Variants in USP12 observed in about 807,000 individuals in gnomAD.
USP12 encodes the protein ubiquitin specific peptidase 12.
A neutral mutation model predicts 45.5 loss-of-function variants in USP12; 19 were observed. The ratio of observed to expected loss-of-function variants is 0.42; its 90% CI spans 0.29 to 0.61. The LOEUF (loss-of-function observed/expected upper bound fraction) is 0.61. USP12 is among the 20% of genes least tolerant of loss of function. The pLI is 0.22. For missense variants in USP12, 242 were observed against 447.7 expected (o/e 0.54, Z 4.15); for synonymous variants, 149 against 148.8 (o/e 1.00, Z -0.01).
chr13:27,070,574 G>A (rs1400668022), intron 8 of USP12, among the ~76,000 whole-genome samples: 1 of 142,042 alleles, frequency 7.0e-6, no homozygotes, highest in African/African-American at 2.6e-5. Flanking sequence ...TTTTTTTTGA[G>A]ACGGAGTTCA....
rs527572176 is a variant in USP12, at chr13:27,155,293, A to C, written c.48+16299T>G. ...AGACAGGGTTTCACCATGTTGGCCA[A>C]GATGGTCTTGATCTCCTGACCTCGT... On this transcript the variant is annotated intron_variant, in intron 1 of 8. Transcript: ENST00000282344. Among the ~76,000 whole-genome samples, 42 of 151,746 alleles carry C rather than the reference A, an allele frequency of 2.8e-4. 2 individuals carry two copies. Among genetic ancestry groups the C allele is most frequent in the Admixed American group, 2.6e-3 (39 of 15,222 alleles).
intron 6 of USP12, among the ~76,000 whole-genome samples, chr13:27,087,869 T>C (rs1388061165): frequency 6.6e-6 from 1 of 152,192 alleles, no homozygotes; most frequent in Non-Finnish European, 1.5e-5. Context: ...AACAATCCAC[T>C]GAATAAAACA....
chr13:27,090,869 T>TCGAACAACTC (rs1874280836), intron 4 of USP12, among the ~76,000 whole-genome samples: 1 of 152,198 alleles, frequency 6.6e-6, no homozygotes, highest in Admixed American at 6.5e-5. Flanking sequence ...GAGTTGTTCA[T>TCGAACAACTC]CGAACAACTC....
intron 3 of USP12, among the ~76,000 whole-genome samples, chr13:27,098,856 C>T (rs1874720134): frequency 6.6e-6 from 1 of 152,156 alleles, no homozygotes; most frequent in Non-Finnish European, 1.5e-5. Context: ...AAAATGGAAA[C>T]AGTTCCATTG....
In USP12 at chr13:27,105,817, T is replaced by C; in HGVS notation, c.257A>G (p.Asp86Gly). The change falls in exon 3 of 9, where the codon GAT becomes GGT. Residue 86 changes from aspartate (D) to glycine (G), a missense_variant. Physicochemically the swap from Asp to Gly is moderately conservative, Grantham distance 94. This residue lies in a region of USP12 where 77 missense variants were observed against 153.7 expected (regional missense o/e 0.50). Transcript: ENST00000282344. ...CTGAGTGGCTATGCTATGGAAGAGA[T>C]CTGCTAAGCATGTAAGAAGGCTCTC... ...KKESLLTCLA[D>G]LFHSIATQKK... 6.2e-7 allele frequency: 1 copy of C among 1,613,916 alleles called. No homozygotes were observed. Among genetic ancestry groups the C allele is most frequent in the Non-Finnish European group, 8.5e-7 (1 of 1,179,832 alleles).
At chr13:27,072,745 G>C (rs1372261827) in intron 7 of USP12, among the ~76,000 whole-genome samples, 1 of 152,120 alleles carries the variant, frequency 6.6e-6, no homozygotes, top group Non-Finnish European at 1.5e-5. Context: ...GTTTTGACAT[G>C]GGCTTGAAGG....
chr13:27,075,995 A>T (rs1173792166), intron 6 of USP12, among the ~76,000 whole-genome samples: 2 of 141,956 alleles, frequency 1.4e-5, no homozygotes, highest in Non-Finnish European at 1.5e-5. Context: ...ACGCCACTGC[A>T]CTCCAGCCTG....
intron 6 of USP12, among the ~76,000 whole-genome samples, chr13:27,076,500 TTATA>T (rs969636482): frequency 6.6e-6 from 1 of 152,228 alleles, no homozygotes; most frequent in Non-Finnish European, 1.5e-5. Flanking sequence ...CAGGTTCACT[TTATA>T]TATGTCAAGC....
Position 27,116,611 on chromosome 13 carries a change from A to G in USP12, c.49-15T>C. On this transcript the variant is annotated splice_polypyrimidine_tract_variant and intron_variant, in intron 1 of 8. Transcript: ENST00000282344. ...GCATTGGCGCCCTATAAAATGAAAA[A>G]CAAAAATCTTAGTATTTATAGTAGT... The G allele has an allele frequency of 3.7e-6, 6 of 1,608,920 alleles. No individual in the cohort carries two copies. The highest frequency in any genetic ancestry group is 5.1e-6 in the Non-Finnish European group (6 of 1,178,946).
chr13:27,116,620 T>C lies in USP12; in HGVS notation c.49-24A>G. ...CCCTATAAAATGAAAAACAAAAATC[T>C]TAGTATTTATAGTAGTCATGCACCA... On this transcript the variant is annotated intron_variant, in intron 1 of 8. Transcript: ENST00000282344. 1.9e-6 allele frequency: 3 copies of C among 1,606,732 alleles called. No individual in the cohort carries two copies. In the South Asian group the frequency reaches 3.3e-5, roughly 18 times the overall value.
At position 27,105,869 on chromosome 13, in the gene USP12, C is replaced by CA. The variant is rs1565991405; in HGVS notation, c.204dup (p.Ala69CysfsTer3). On this transcript the variant is annotated frameshift_variant, in exon 3 of 9. Transcript: ENST00000282344. LOFTEE classifies it high-confidence loss of function. ...TTTTTCCTAGGTTGACTCTTATACG[C>CA]AAGAACTTTTTCCCGAAATGGACGA... The CA allele has an allele frequency of 6.2e-7, 1 of 1,613,636 alleles. No individual in the cohort carries two copies. The highest frequency in any genetic ancestry group is 1.3e-5 in the African/African-American group (1 of 74,940).
At chr13:27,151,290 G>A (rs1293353549) in intron 1 of USP12, among the ~76,000 whole-genome samples, 4 of 151,722 alleles carry the variant, frequency 2.6e-5, no homozygotes, top group Admixed American at 6.6e-5. Context: ...AAGATTCAGC[G>A]ACAAAGCAAG....
chr13:27,080,511 T>C (rs1185871399), intron 6 of USP12, among the ~76,000 whole-genome samples: 1 of 152,118 alleles, frequency 6.6e-6, no homozygotes, highest in Non-Finnish European at 1.5e-5. Context: ...TCTTCTTCAA[T>C]ACCTGGTAAG....
chr13:27,098,967 C>T (rs1874726729), intron 3 of USP12, among the ~76,000 whole-genome samples: 1 of 152,166 alleles, frequency 6.6e-6, no homozygotes, highest in Non-Finnish European at 1.5e-5. Context: ...GAAGCAGTGG[C>T]TCATGTCTGT....
At chr13:27,087,291 G>A (rs913033948) in intron 6 of USP12, among the ~76,000 whole-genome samples, 21 of 140,402 alleles carry the variant, frequency 1.5e-4, no homozygotes, top group African/African-American at 4.6e-4. Context: ...GTGCGCGCAC[G>A]CTCGTGTGCA....
chr13:27,110,200 G>A (rs963450808), intron 2 of USP12, among the ~76,000 whole-genome samples: 33 of 150,738 alleles, frequency 2.2e-4, no homozygotes, highest in Non-Finnish European at 7.4e-5. Context: ...AGGTTGATGG[G>A]TTCATAGTGA....
intron 6 of USP12, among the ~76,000 whole-genome samples, chr13:27,078,882 A>G (rs1390790333): frequency 6.6e-6 from 1 of 152,134 alleles, no homozygotes; most frequent in Admixed American, 6.5e-5. Flanking sequence ...ACTCAACCTC[A>G]AACTGCACTA....
At position 27,171,685 on chromosome 13, in the gene USP12, G is replaced by T; in HGVS notation, c.-46C>A. 11 of 1,181,552 alleles carry T rather than the reference G, an allele frequency of 9.3e-6. No individual in the cohort carries two copies. The highest frequency in any genetic ancestry group is 1.7e-5 in the South Asian group (1 of 59,874). The allele number at this position is 1,181,552 out of a possible 1,614,324, so 73.2% of individuals were successfully genotyped here. ...CCCAATCACAGCGGCGGCGGCGGGC[G>T]GGGGAGGAGGGGAGCCGGGCCGCCC... On this transcript the variant is annotated 5_prime_UTR_variant, in exon 1 of 9. Transcript: ENST00000282344.
In USP12 at chr13:27,129,665, C is replaced by T. The variant is rs746394983; in HGVS notation, c.49-13069G>A. On this transcript the variant is annotated intron_variant, in intron 1 of 8. Transcript: ENST00000282344. The surrounding 1 kb of genome is among the most constrained non-coding windows in gnomAD (Gnocchi z 4.0). Reference sequence around the variant, plus strand: ...AGGCTGCAGTGAACTATGACCTGGGCGACAGAGTGAGACCCTATCTCTTAA... The same window carrying T: ...AGGCTGCAGTGAACTATGACCTGGGTGACAGAGTGAGACCCTATCTCTTAA... Among the ~76,000 whole-genome samples, 34 of 151,968 alleles carry T rather than the reference C, an allele frequency of 2.2e-4. No individual in the cohort carries two copies. Among genetic ancestry groups the T allele is most frequent in the African/African-American group, 3.6e-4 (15 of 41,348 alleles).
Sources: gnomAD v4.1 joint callset for allele counts (sites outside exome capture counted in the v4.1 genomes callset) on GRCh38, gnomAD v4.1.1 for gene constraint, gnomAD v4.1.1 regional missense constraint, Gnocchi (gnomAD v3.1) non-coding constraint, MANE v1.5 for transcripts, NCBI Gene and HGNC (gene_info 2026-07-23, HGNC 2026-07-21) for gene names.